Variants in HMCN1 observed in about 807,000 individuals in gnomAD.
HMCN1 encodes the protein hemicentin 1, also known as hemicentin-1.
Under a neutral mutation model 625.9 loss-of-function variants are expected in HMCN1, and 321 were observed. The ratio of observed to expected loss-of-function variants is 0.51; its 90% CI spans 0.47 to 0.56. The LOEUF (loss-of-function observed/expected upper bound fraction) is 0.56. Ranked by LOEUF, HMCN1 falls within the 20% of genes least tolerant of loss-of-function variation. The pLI is 0.00. For missense variants in HMCN1, 6,588 were observed against 6,887.3 expected (o/e 0.96, Z 1.54); for synonymous variants, 2,425 against 2,417.6 (o/e 1.00, Z -0.09).
At chr1:185,863,843 A>C (rs1663018625) in intron 2 of HMCN1, among the ~76,000 whole-genome samples, 1 of 152,250 alleles carries the variant, frequency 6.6e-6, no homozygotes, top group Admixed American at 6.5e-5. Context: ...TATGTCAGAT[A>C]GTCAGGGAAA....
At position 186,053,951 on chromosome 1, in the gene HMCN1, G is replaced by T; in HGVS notation, c.6827G>T (p.Gly2276Val). 6.2e-7 allele frequency: 1 copy of T among 1,612,502 alleles called. No individual in the cohort carries two copies. The highest frequency in any genetic ancestry group is 1.1e-5 in the South Asian group (1 of 91,050). ...TCATGTGTGGCGTCGAATGTTGCTG[G>T]GACTGCAAAGAAAGAATACAATCTG... is the stretch of plus-strand genomic sequence containing the variant. ...LYSCVASNVA[G>V]TAKKEYNLQV... The change falls in exon 44 of 107, where the codon GGG becomes GTG. Residue 2276 changes from glycine (G) to valine (V), a missense_variant. Transcript: ENST00000271588.
intron 105 of HMCN1, among the ~76,000 whole-genome samples, chr1:186,187,103 G>A (rs1653376687): frequency 6.6e-6 from 1 of 151,420 alleles, no homozygotes; most frequent in African/African-American, 2.4e-5. Flanking sequence ...TAAAGTGGTG[G>A]CTCAAAAACA....
At chr1:185,835,844 A>C (rs189012400) in intron 1 of HMCN1, among the ~76,000 whole-genome samples, 3 of 152,292 alleles carry the variant, frequency 2.0e-5, no homozygotes, top group African/African-American at 4.8e-5. Flanking sequence ...TACAGAAAAA[A>C]AGAACCAAAA....
chr1:185,877,101 A>C (rs1005599025), intron 4 of HMCN1, among the ~76,000 whole-genome samples: 7 of 151,880 alleles, frequency 4.6e-5, no homozygotes, highest in African/African-American at 1.4e-4. Flanking sequence ...AAGAGATACA[A>C]AGGGTCTAAT....
intron 1 of HMCN1, among the ~76,000 whole-genome samples, chr1:185,743,857 T>C (rs529351168): frequency 2.6e-5 from 4 of 152,296 alleles, no homozygotes; most frequent in South Asian, 4.1e-4. Flanking sequence ...CTGTAACTTA[T>C]TTGTCTATAA....
chr1:185,791,771 G>C (rs1467417305), intron 1 of HMCN1, among the ~76,000 whole-genome samples: 1 of 151,970 alleles, frequency 6.6e-6, no homozygotes, highest in Non-Finnish European at 1.5e-5. Context: ...TATTAAATCA[G>C]TCATGATTTC....
At chr1:186,002,104 T>C (rs957373961) in intron 28 of HMCN1, among the ~76,000 whole-genome samples, 1 of 152,062 alleles carries the variant, frequency 6.6e-6, no homozygotes, top group African/African-American at 2.4e-5. Flanking sequence ...ATATATTACA[T>C]TCATGCTGTG....
chr1:185,958,698 C>A (rs1273107369), intron 11 of HMCN1, among the ~76,000 whole-genome samples: 1 of 152,078 alleles, frequency 6.6e-6, no homozygotes, highest in African/African-American at 2.4e-5. Context: ...CTATTATTTC[C>A]CATTAAGGTA....
chr1:185,887,487 G>A (rs1664742012), intron 4 of HMCN1, among the ~76,000 whole-genome samples: 1 of 148,580 alleles, frequency 6.7e-6, no homozygotes, highest in Non-Finnish European at 1.5e-5. Flanking sequence ...TCCCCAGAGT[G>A]TGATTTTCCC....
intron 1 of HMCN1, among the ~76,000 whole-genome samples, chr1:185,784,034 A>G (rs1361303442): frequency 1.3e-5 from 2 of 152,240 alleles, no homozygotes; most frequent in South Asian, 4.1e-4. Flanking sequence ...TTGTTTACCT[A>G]TTCAAGCCTC....
Position 186,048,852 on chromosome 1 carries a change from A to G in HMCN1, c.6577+13A>G. 6.7e-7 allele frequency: 1 copy of G among 1,482,852 alleles called. No individual in the cohort carries two copies. The highest frequency in any genetic ancestry group is 9.4e-7 in the Non-Finnish European group (1 of 1,062,816). 91.9% of individuals were successfully genotyped at this position (1,482,852 alleles called of 1,614,324 possible). ...GTCAACATTTGGGGTAAGTGTAATC[A>G]GCTCTTGAAAGCAAATAATGCAGCT... On this transcript the variant is annotated intron_variant, in intron 42 of 106. Coordinates refer to ENST00000271588, the MANE Select transcript of HMCN1 (RefSeq NM_031935.3).
Position 186,174,580 on chromosome 1 carries a change from G to T in HMCN1, c.15881G>T (p.Gly5294Val). The change falls in exon 103 of 107, where the codon GGC becomes GTC. Residue 5294 changes from glycine to valine, a missense_variant. Around this residue, in one of 3 missense-constraint regions of HMCN1, gnomAD observed 1,954 missense variants for 2,013.1 expected, o/e 0.97. Transcript: ENST00000271588. The part of the protein sequence containing the change: ...RYNQICENTR[G>V]SYRCVCPRGY... ...AACCAGATATGTGAGAATACAAGAG[G>T]CAGCTATCGTTGTGTATGCCCAAGA... 6.2e-7 allele frequency: 1 copy of T among 1,613,832 alleles called. No individual in the cohort carries two copies. Among genetic ancestry groups the T allele is most frequent in the Non-Finnish European group, 8.5e-7 (1 of 1,179,732 alleles).
chr1:186,111,487 T>TA (rs909088906), intron 71 of HMCN1, among the ~76,000 whole-genome samples: 3 of 151,632 alleles, frequency 2.0e-5, no homozygotes, highest in South Asian at 2.1e-4. Flanking sequence ...CACCTGAATT[T>TA]AAAAAAAAGT....
At position 186,186,994 on chromosome 1, in the gene HMCN1, T is replaced by TCTCACACACA. The variant is rs1188045464; in HGVS notation, c.16415-888_16415-887insTCACACACAC. Reference sequence around the variant, plus strand: ...CAATCTCACATTCTCTGTCTCTGTCTCACACACACACACACACACACACAC... The same window carrying TCTCACACACA: ...CAATCTCACATTCTCTGTCTCTGTCTCTCACACACACACACACACACACACACACACACAC... On this transcript the variant is annotated intron_variant, in intron 105 of 106. Transcript: ENST00000271588. Among the ~76,000 whole-genome samples, 39 of 134,594 alleles carry TCTCACACACA rather than the reference T, an allele frequency of 2.9e-4. No homozygotes were observed. The East Asian group carries it at 5.4e-3, about 19-fold the overall frequency. The allele number at this position is 134,594 out of a possible 152,430, so 88.3% of individuals were successfully genotyped here.
In HMCN1 at chr1:186,128,239, T is replaced by C; in HGVS notation, c.12852T>C (p.Thr4284=). ...GEQLRLSCKA[T]GIPLPKLTWT... is the part of the protein sequence containing the mutation. ...AGCTACGATTAAGCTGTAAAGCTACTGGTATTCCATTGCCCAAATTAACAT... is the reference window on the plus strand; with the variant it reads ...AGCTACGATTAAGCTGTAAAGCTACCGGTATTCCATTGCCCAAATTAACAT... The change falls in exon 83 of 107, where the codon ACT becomes ACC. Residue 4284 remains threonine, a synonymous_variant. Transcript: ENST00000271588. 6.2e-7 allele frequency: 1 copy of C among 1,613,586 alleles called. No homozygotes were observed. The highest frequency in any genetic ancestry group is 8.5e-7 in the Non-Finnish European group (1 of 1,179,676).
intron 35 of HMCN1, among the ~76,000 whole-genome samples, chr1:186,020,237 T>TGATAGATAGATAGATAGATAGATA (rs4007525): frequency 6.7e-6 from 1 of 149,858 alleles, no homozygotes; most frequent in Non-Finnish European, 1.5e-5. Flanking sequence ...AGTAGATTGA[T>TGATAGATAGATAGATAGATAGATA]GATAGATAGA....
At chr1:185,821,017 C>CTGTAATATATATATATGTACA (rs1277134908) in intron 1 of HMCN1, among the ~76,000 whole-genome samples, 8 of 151,270 alleles carry the variant, frequency 5.3e-5, no homozygotes, top group African/African-American at 1.9e-4. Flanking sequence ...CATTATGTAC[C>CTGTAATATATATATATGTACA]TGTAATATAT....
chr1:186,125,584 CT>C lies in HMCN1; in HGVS notation c.12500-14del. The C allele has an allele frequency of 1.9e-6, 3 of 1,598,976 alleles. No individual in the cohort carries two copies. The highest frequency in any genetic ancestry group is 2.6e-6 in the Non-Finnish European group (3 of 1,166,478). ...ATTGAACTCAGCTTCCTGGATGACT[CT>C]TTTTTAAACTCTTCATAGTACCACC... On this transcript the variant is annotated intron_variant, in intron 81 of 106. Transcript: ENST00000271588.
chr1:186,136,347 G>A (rs1649601951), intron 86 of HMCN1, among the ~76,000 whole-genome samples: 1 of 152,164 alleles, frequency 6.6e-6, no homozygotes, highest in African/African-American at 2.4e-5. Context: ...GGAATCCTCT[G>A]AAGTAGGCAC....
Sources: allele counts gnomAD v4.1 joint callset (sites outside exome capture counted in the v4.1 genomes callset), GRCh38; gene constraint gnomAD v4.1.1; regional missense constraint gnomAD v4.1.1; transcripts MANE v1.5; gene names NCBI Gene and HGNC (gene_info 2026-07-23, HGNC 2026-07-21).